Variants in MLPH observed in about 807,000 individuals in gnomAD.
MLPH encodes melanophilin.
MLPH carries 51 observed loss-of-function variants against 72.1 expected under a neutral mutation model. That is an observed-to-expected ratio of 0.71 (90% CI 0.56 to 0.89). The LOEUF is 0.89. Ranked by LOEUF, MLPH falls within the 40% of genes least tolerant of loss-of-function variation. MLPH has a pLI of 0.00. For missense variants in MLPH, 743 were observed against 759.9 expected, an observed-to-expected ratio of 0.98 and a Z score of 0.26; for synonymous variants, 301 against 310.1, an observed-to-expected ratio of 0.97 and a Z score of 0.31.
rs139879846 is a variant in MLPH, at chr2:237,498,182, A to T, written c.110+4646A>T. Among the ~76,000 whole-genome samples, 11 of 152,034 alleles carry T rather than the reference A, an allele frequency of 7.2e-5. No homozygotes were observed. The East Asian group carries it at 2.1e-3, about 29-fold the overall frequency. The stretch of plus-strand genomic sequence containing the variant: ...TGCAGACTCAAGGCCAGTGCCCCAG[A>T]AACAAGTTTGCCAGGGGGTTGATTT... On this transcript the variant is annotated intron_variant, in intron 2 of 15. Coordinates refer to ENST00000264605, the MANE Select transcript of MLPH (RefSeq NM_024101.7).
chr2:237,519,805 C>G, intron 5 of MLPH, 105 bp from the exon 6 acceptor site: 2 of 1,540,240 alleles, frequency 1.3e-6, no homozygotes, highest in South Asian at 2.2e-5. Flanking sequence ...GAGCCTGCCC[C>G]GCCCCTCTGG....
intron 13 of MLPH, among the ~76,000 whole-genome samples, chr2:237,548,803 C>G (rs777770917): frequency 1.3e-5 from 2 of 152,216 alleles, no homozygotes; most frequent in Non-Finnish European, 2.9e-5. Flanking sequence ...GGCATAAACC[C>G]GGGAGGCGGA....
rs1250253265 is a variant in MLPH at position 237,487,394 on chromosome 2, C to G, written c.-68C>G. 6.5e-6 allele frequency: 1 copy of G among 152,914 alleles called. No homozygotes were observed. Among genetic ancestry groups the G allele is most frequent in the Admixed American group, 6.5e-5 (1 of 15,308 alleles). 9.5% of individuals were successfully genotyped at this position (152,914 alleles called of 1,614,324 possible). A position where few individuals can be genotyped will look rare whatever the true frequency, so the allele number is the denominator to read the frequency against. On this transcript the variant is annotated 5_prime_UTR_variant, in exon 1 of 16. Coordinates refer to ENST00000264605, the MANE Select transcript of MLPH (RefSeq NM_024101.7). ...CCTGCTTCGTCGCCTCCTTTCTCTCCCAGGTGCTGGACCAGGGACTGAGCG... is the reference window on the plus strand; with the variant it reads ...CCTGCTTCGTCGCCTCCTTTCTCTCGCAGGTGCTGGACCAGGGACTGAGCG...
At chr2:237,524,848 G>A (rs2080267903) in intron 6 of MLPH, among the ~76,000 whole-genome samples, 2 of 152,204 alleles carry the variant, frequency 1.3e-5, no homozygotes, top group Non-Finnish European at 2.9e-5. Flanking sequence ...AGGCAGTGCT[G>A]AGCCAGAGCT....
intron 9 of MLPH, 51 bp from the exon 10 acceptor site, chr2:237,540,297 C>G (rs2080641924): frequency 6.3e-7 from 1 of 1,597,366 alleles, no homozygotes. Flanking sequence ...CCTGGAGCTC[C>G]ATGGCTCCAG....
Position 237,541,896 on chromosome 2 carries a change from T to C in MLPH, c.1447-671T>C, listed in dbSNP as rs541754508. ...GAGATAAGGCAGTCAGGAGGGATAC[T>C]AGGAAAGTAAGCCAGCCTGGCAAAT... On this transcript the variant is annotated intron_variant, in intron 11 of 15. Coordinates refer to ENST00000264605, the MANE Select transcript of MLPH (RefSeq NM_024101.7). This position sits in a 1 kb window ranked among gnomAD's most constrained non-coding sequence, Gnocchi z 5.1. Among the ~76,000 whole-genome samples, 1 of 152,308 alleles carries C rather than the reference T, an allele frequency of 6.6e-6. No homozygotes were observed. Among genetic ancestry groups the C allele is most frequent in the South Asian group, 2.1e-4 (1 of 4,830 alleles).
chr2:237,511,208 GTGTGTGTGCACA>G (rs949577587), intron 4 of MLPH, 107 bp downstream of exon 4: 3 of 844,164 alleles, frequency 3.6e-6, no homozygotes, highest in Admixed American at 3.6e-5. Context: ...GTGTGTGCAT[GTGTGTGTGCACA>G]TGTGTGTGCA....
In MLPH at chr2:237,512,373, C is replaced by A. The variant is rs2079923551; in HGVS notation, c.445+1272C>A. 6.6e-6 allele frequency among the ~76,000 whole-genome samples: 1 copy of A among 152,178 alleles called. No homozygotes were observed. Among genetic ancestry groups the A allele is most frequent in the African/African-American group, 2.4e-5 (1 of 41,438 alleles). On this transcript the variant is annotated intron_variant, in intron 4 of 15. Coordinates refer to ENST00000264605, the MANE Select transcript of MLPH (RefSeq NM_024101.7). This position sits in a 1 kb window ranked among gnomAD's most constrained non-coding sequence, Gnocchi z 5.5. ...TTAGGACAGAGGCCACGGAGAGGCA[C>A]CGCTGGAGCAGTACACCGCACACCA...
intron 8 of MLPH, among the ~76,000 whole-genome samples, chr2:237,531,422 TGGCTGAGCATCTCCTAGTCTCCTAG>T (rs2080418753): frequency 6.6e-6 from 1 of 151,698 alleles, no homozygotes; most frequent in Admixed American, 6.6e-5. Context: ...CATCCTTGGC[TGGCTGAGCATCTCCTAGTCTCCTAG>T]CCTGAAGACA....
chr2:237,527,532 A>G lies in MLPH; in HGVS notation c.1020+16A>G, dbSNP rs751706548. On this transcript the variant is annotated intron_variant, in intron 8 of 15. Transcript: ENST00000264605. ...TGAGAGTCAGGTAACGGTGGCTGGAAAGACTTCTGTCTTGTCGTTTCTTTG... is the reference window on the plus strand; with the variant it reads ...TGAGAGTCAGGTAACGGTGGCTGGAGAGACTTCTGTCTTGTCGTTTCTTTG... The G allele has an allele frequency of 7.4e-6, 12 of 1,613,934 alleles. No homozygotes were observed. In the African/African-American group the frequency reaches 9.3e-5, roughly 13 times the overall value.
intron 9 of MLPH, among the ~76,000 whole-genome samples, chr2:237,539,012 C>A (rs1173490219): frequency 1.3e-5 from 2 of 152,190 alleles, no homozygotes; most frequent in African/African-American, 4.8e-5. Flanking sequence ...GGAGCCGCTG[C>A]AGGAGACAGC....
chr2:237,536,820 C>G (rs2080540959), intron 9 of MLPH, among the ~76,000 whole-genome samples: 1 of 152,246 alleles, frequency 6.6e-6, no homozygotes, highest in African/African-American at 2.4e-5. Context: ...CTGCCCGGCC[C>G]TGGCTCCAGC....
Position 237,510,444 on chromosome 2 carries a change from C to T in MLPH, c.111-130C>T. On this transcript the variant is annotated intron_variant, in intron 2 of 15. Coordinates refer to ENST00000264605, the MANE Select transcript of MLPH (RefSeq NM_024101.7). This position sits in a 1 kb window ranked among gnomAD's most constrained non-coding sequence, Gnocchi z 4.4. ...CCCAACGTTGGGTCACTGTTTTCTG[C>T]ATAGGAGACAGTTACTGTGTGTGTG... 1 of 951,598 alleles carries T rather than the reference C, an allele frequency of 1.1e-6. No individual in the cohort carries two copies. The highest frequency in any genetic ancestry group is 1.7e-6 in the Non-Finnish European group (1 of 602,950). 58.9% of individuals were successfully genotyped at this position (951,598 alleles called of 1,614,324 possible). A position where few individuals can be genotyped will look rare whatever the true frequency, so the allele number is the denominator to read the frequency against.
At chr2:237,494,836 A>G (rs544402495) in intron 2 of MLPH, among the ~76,000 whole-genome samples, 1 of 152,342 alleles carries the variant, frequency 6.6e-6, no homozygotes, top group East Asian at 1.9e-4. Flanking sequence ...GAAGCTTCAT[A>G]TGGTGAAACG....
At chr2:237,545,582 C>G (rs1412453215) in intron 12 of MLPH, 2 of 1,287,794 alleles carry the variant, frequency 1.6e-6, no homozygotes, top group South Asian at 1.2e-5. Flanking sequence ...AGTCCGCCGC[C>G]ACGTGAAGAT....
intron 14 of MLPH, among the ~76,000 whole-genome samples, chr2:237,551,423 C>A (rs540111249): frequency 6.6e-6 from 1 of 152,274 alleles, no homozygotes; most frequent in Non-Finnish European, 1.5e-5. Context: ...AAGCTCCCAG[C>A]TGATGTCACC....
chr2:237,511,206 A>C (rs949048094), intron 4 of MLPH, 105 bp downstream of exon 4: 18 of 853,778 alleles, frequency 2.1e-5, no homozygotes, highest in Non-Finnish European at 3.2e-5. Context: ...GTGTGTGTGC[A>C]TGTGTGTGTG....
At chr2:237,488,850 C>A (rs1017723171) in intron 1 of MLPH, among the ~76,000 whole-genome samples, 1 of 152,180 alleles carries the variant, frequency 6.6e-6, no homozygotes, top group African/African-American at 2.4e-5. Flanking sequence ...AATGCAATAA[C>A]GGCTCAAATA....
At chr2:237,546,391 A>C in intron 12 of MLPH, 1 of 587,632 alleles carries the variant, frequency 1.7e-6, no homozygotes, top group South Asian at 2.0e-5. Flanking sequence ...TCTGAAATTC[A>C]AAGTTCCCTG....
Sources: gnomAD v4.1 joint callset for allele counts (sites outside exome capture counted in the v4.1 genomes callset) on GRCh38, gnomAD v4.1.1 for gene constraint, Gnocchi (gnomAD v3.1) non-coding constraint, MANE v1.5 for transcripts, NCBI Gene and HGNC (gene_info 2026-07-23, HGNC 2026-07-21) for gene names.